The following TLL1 variants were observed in gnomAD, a reference collection of about 807,000 sequenced individuals.
TLL1 encodes tolloid like 1.
In TLL1, 49 loss-of-function variants were observed where a neutral mutation model predicts 128.2. That is an observed-to-expected ratio of 0.38 (90% confidence interval 0.30 to 0.48). The LOEUF is 0.48. Ranked by LOEUF, TLL1 falls within the 20% of genes least tolerant of loss-of-function variation. TLL1 has a pLI of 0.96. For synonymous variants in TLL1, 454 were observed against 418.8 expected (o/e 1.08, Z -1.03); for missense variants, 1,123 against 1,242.0 (o/e 0.90, Z 1.44).
At chr4:166,027,543 G>T (rs1738563962) in intron 9 of TLL1, among the ~76,000 whole-genome samples, 1 of 152,110 alleles carries the variant, frequency 6.6e-6, no homozygotes, top group Admixed American at 6.6e-5. Flanking sequence ...ATACATGAAT[G>T]CATGCATAGT....
At chr4:165,989,128 C>A (rs933659072) in intron 1 of TLL1, among the ~76,000 whole-genome samples, 2 of 151,990 alleles carry the variant, frequency 1.3e-5, no homozygotes, top group East Asian at 1.9e-4. Context: ...TAATCAGTAA[C>A]CTTCTTATTC....
intron 14 of TLL1, among the ~76,000 whole-genome samples, chr4:166,057,565 C>T (rs1394821351): frequency 6.6e-6 from 1 of 152,128 alleles, no homozygotes; most frequent in Non-Finnish European, 1.5e-5. Flanking sequence ...TCCATTCTCA[C>T]GCTGCTAATA....
chr4:165,877,277 C>G (rs1730760358), intron 1 of TLL1, among the ~76,000 whole-genome samples: 1 of 152,218 alleles, frequency 6.6e-6, no homozygotes, highest in Non-Finnish European at 1.5e-5. Context: ...GTAGGTGAGT[C>G]AGTGCAGCAC....
chr4:165,921,060 TA>T (rs35906727), intron 1 of TLL1, among the ~76,000 whole-genome samples: 3,443 of 152,274 alleles, frequency 0.023, 81 homozygotes, highest in East Asian at 0.1. Context: ...AGGTATACTC[TA>T]AGTTCAGACA....
rs749835123 is a variant in TLL1 at position 166,099,428 on chromosome 4, T to C, written c.2808T>C (p.Phe936=). 6.2e-7 allele frequency: 1 copy of C among 1,613,530 alleles called. No homozygotes were observed. The highest frequency in any genetic ancestry group is 2.2e-5 in the East Asian group (1 of 44,826). ...GSRLELSFQT[F]EVEEEADCGY... Reference sequence around the variant, plus strand: ...GACTTGAATTATCCTTCCAGACATTTGAAGTGGAGGAAGAAGCAGACTGTG... The same window carrying C: ...GACTTGAATTATCCTTCCAGACATTCGAAGTGGAGGAAGAAGCAGACTGTG... Residue 936 remains phenylalanine (F), a synonymous_variant, in exon 20 of 21, where the codon TTT becomes TTC. Transcript: ENST00000061240.
At chr4:166,055,462 G>A (rs1310052140) in intron 13 of TLL1, among the ~76,000 whole-genome samples, 191 bp downstream of exon 13, 1 of 152,064 alleles carries the variant, frequency 6.6e-6, no homozygotes, top group African/African-American at 2.4e-5. Flanking sequence ...CACAGGATAG[G>A]AATTCCATTA....
At chr4:165,945,827 A>G (rs1462977851) in intron 1 of TLL1, among the ~76,000 whole-genome samples, 1 of 152,152 alleles carries the variant, frequency 6.6e-6, no homozygotes, top group Non-Finnish European at 1.5e-5. Context: ...TGTTCAGTCA[A>G]GCTAATCCAG....
At chr4:165,970,388 T>A (rs1172146741) in intron 1 of TLL1, among the ~76,000 whole-genome samples, 2 of 152,086 alleles carry the variant, frequency 1.3e-5, no homozygotes, top group African/African-American at 4.8e-5. Flanking sequence ...CACAACAGAG[T>A]GTTTAACTGA....
At chr4:166,038,368 C>A (rs976148050) in intron 9 of TLL1, among the ~76,000 whole-genome samples, 1 of 151,834 alleles carries the variant, frequency 6.6e-6, no homozygotes, top group African/African-American at 2.4e-5. Context: ...TTGGAATACT[C>A]AACATTTGTT....
At chr4:165,909,526 G>A (rs898092464) in intron 1 of TLL1, among the ~76,000 whole-genome samples, 2 of 152,204 alleles carry the variant, frequency 1.3e-5, no homozygotes, top group Admixed American at 1.3e-4. Context: ...AGCGTTTTGA[G>A]TTCTTGGAGA....
intron 12 of TLL1, among the ~76,000 whole-genome samples, chr4:166,053,838 C>T (rs889590170): frequency 6.6e-6 from 1 of 152,102 alleles, no homozygotes; most frequent in Non-Finnish European, 1.5e-5. Flanking sequence ...GTAGATATCT[C>T]TGCTTTCTAC....
rs1184192167 is a variant in TLL1, at chr4:165,873,573, G to C, written c.-332G>C. 1.6e-5 allele frequency: 3 copies of C among 185,942 alleles called. No individual in the cohort carries two copies. The highest frequency in any genetic ancestry group is 1.2e-4 in the Admixed American group (2 of 16,242). The allele number at this position is 185,942 out of a possible 1,614,324, so 11.5% of individuals were successfully genotyped here. Reference sequence around the variant, plus strand: ...GCCGCGGGAAGTTCGGCAGCCAGAAGGACGACCTGGCAGGCTGCGAGCGCC... The same window carrying C: ...GCCGCGGGAAGTTCGGCAGCCAGAACGACGACCTGGCAGGCTGCGAGCGCC... On this transcript the variant is annotated 5_prime_UTR_variant, in exon 1 of 21. Coordinates refer to ENST00000061240, the MANE Select transcript of TLL1 (RefSeq NM_012464.5).
chr4:166,060,188 A>G lies in TLL1; in HGVS notation c.2007A>G (p.Glu669=), dbSNP rs1195232116. 2 of 1,613,646 alleles carry G rather than the reference A, an allele frequency of 1.2e-6. No individual in the cohort carries two copies. The highest frequency in any genetic ancestry group is 2.2e-5 in the South Asian group (2 of 91,074). The part of the protein sequence containing the change: ...KFEFFELEGN[E]VCKYDYVEIW... Reference sequence around the variant, plus strand: ...AGTTTTTTGAATTGGAAGGCAATGAAGTAAGTGAACAATAACTGTAATTTT... The same window carrying G: ...AGTTTTTTGAATTGGAAGGCAATGAGGTAAGTGAACAATAACTGTAATTTT... The change falls in exon 15 of 21, where the codon GAA becomes GAG. Residue 669 remains glutamate (E), a splice_region_variant and synonymous_variant. Transcript: ENST00000061240.
At chr4:165,948,529 A>G (rs964164001) in intron 1 of TLL1, among the ~76,000 whole-genome samples, 1 of 152,148 alleles carries the variant, frequency 6.6e-6, no homozygotes, top group Non-Finnish European at 1.5e-5. Flanking sequence ...TGAGAAACCC[A>G]AGGTTGACGA....
At chr4:165,891,991 T>C (rs1731436925) in intron 1 of TLL1, among the ~76,000 whole-genome samples, 1 of 152,190 alleles carries the variant, frequency 6.6e-6, no homozygotes, top group Non-Finnish European at 1.5e-5. Context: ...TTTAATTGAC[T>C]CACTGTTCAG....
At chr4:165,977,644 A>C (rs567249771) in intron 1 of TLL1, among the ~76,000 whole-genome samples, 1 of 152,340 alleles carries the variant, frequency 6.6e-6, no homozygotes, top group South Asian at 2.1e-4. Flanking sequence ...ACATTTATTT[A>C]AGTTGAATGC....
chr4:166,051,408 T>G (rs1041632115), intron 12 of TLL1, among the ~76,000 whole-genome samples: 1 of 151,944 alleles, frequency 6.6e-6, no homozygotes, highest in Non-Finnish European at 1.5e-5. Context: ...GTTCTTTTAC[T>G]GATGAAGCTT....
chr4:165,980,035 G>A (rs1560787816), intron 1 of TLL1, among the ~76,000 whole-genome samples: 1 of 152,080 alleles, frequency 6.6e-6, no homozygotes. Flanking sequence ...GGCAAATGTT[G>A]CAAGTGCCTA....
intron 1 of TLL1, among the ~76,000 whole-genome samples, chr4:165,974,539 T>C (rs1215012386): frequency 6.6e-5 from 10 of 152,330 alleles, no homozygotes; most frequent in African/African-American, 1.4e-4. Context: ...TTTTAATGAT[T>C]CATTAATTGT....
Sources: allele counts gnomAD v4.1 joint callset (sites outside exome capture counted in the v4.1 genomes callset), GRCh38; gene constraint gnomAD v4.1.1; transcripts MANE v1.5; gene names NCBI Gene and HGNC (gene_info 2026-07-23, HGNC 2026-07-21).